KIAA1217: variants seen among roughly 807,000 people sequenced by gnomAD.
KIAA1217 encodes KIAA1217, also known as sickle tail protein homolog.
In KIAA1217, 88 loss-of-function variants were observed where a neutral mutation model predicts 163.9. The ratio of observed to expected loss-of-function variants is 0.54; its 90% CI spans 0.45 to 0.64. The LOEUF (loss-of-function observed/expected upper bound fraction) is 0.64, where lower values mean the gene tolerates loss of function less well. KIAA1217 is among the 30% of genes least tolerant of loss of function. The pLI is 0.00. For missense variants in KIAA1217, 2,372 were observed against 2,475.0 expected (o/e 0.96, Z 0.88); for synonymous variants, 903 against 923.1 (o/e 0.98, Z 0.39).
At chr10:23,966,129 G>A (rs1845056822) in intron 1 of KIAA1217, among the ~76,000 whole-genome samples, 1 of 152,184 alleles carries the variant, frequency 6.6e-6, no homozygotes, top group South Asian at 2.1e-4. Flanking sequence ...GAAGGGCCCT[G>A]TGCCTGGTTT....
At position 23,789,940 on chromosome 10, in the gene KIAA1217, T is replaced by C. The variant is rs1367261810; in HGVS notation, c.-321+94706T>C. Among the ~76,000 whole-genome samples, 7 of 108,856 alleles carry C rather than the reference T, an allele frequency of 6.4e-5. 1 individual carries two copies. The South Asian group carries it at 9.8e-4, about 15-fold the overall frequency. The allele number at this position is 108,856 out of a possible 152,430, so 71.4% of individuals were successfully genotyped here. On this transcript the variant is annotated intron_variant, in intron 1 of 18. Coordinates refer to the KIAA1217 transcript ENST00000376462. ...GCATATACATGTATATATACACATA[T>C]ACATATACATGTATATATACACATA... is the stretch of plus-strand genomic sequence containing the variant.
intron 1 of KIAA1217, among the ~76,000 whole-genome samples, chr10:23,748,585 G>C (rs574847952): frequency 3.1e-4 from 43 of 139,466 alleles, no homozygotes; most frequent in African/African-American, 9.0e-4. Flanking sequence ...GAAGGAAGGG[G>C]GGAGGGAAGA....
At chr10:23,724,708 T>A (rs1838041514) in intron 1 of KIAA1217, among the ~76,000 whole-genome samples, 1 of 152,188 alleles carries the variant, frequency 6.6e-6, no homozygotes, top group Admixed American at 6.5e-5. Flanking sequence ...TCCCAGAAAG[T>A]CCACTACAAT....
intron 2 of KIAA1217, among the ~76,000 whole-genome samples, chr10:24,119,879 C>T (rs766906824): frequency 6.6e-6 from 1 of 152,304 alleles, no homozygotes; most frequent in Non-Finnish European, 1.5e-5. Context: ...TCCTACACAT[C>T]CCAGGTCCCC....
chr10:24,501,576 G>T, intron 9 of KIAA1217, 31 bp downstream of exon 9: 2 of 1,597,988 alleles, frequency 1.3e-6, no homozygotes, highest in South Asian at 1.1e-5. Flanking sequence ...CCTCTGTCTC[G>T]GTTGCCCTGA....
chr10:23,985,360 AGACTCTTGTAATACTTT>A (rs146890876), intron 1 of KIAA1217, among the ~76,000 whole-genome samples: 4,313 of 152,254 alleles, frequency 0.028, 167 homozygotes, highest in East Asian at 0.13. Context: ...GGAGTTCATC[AGACTCTTGTAATACTTT>A]GCCAGAGGAA....
chr10:24,322,243 C>T (rs911743872), intron 2 of KIAA1217, among the ~76,000 whole-genome samples: 1 of 152,128 alleles, frequency 6.6e-6, no homozygotes, highest in African/African-American at 2.4e-5. Flanking sequence ...TGTGAGCCAC[C>T]ATGTCTGGCC....
At chr10:24,125,430 C>T (rs572220115) in intron 2 of KIAA1217, among the ~76,000 whole-genome samples, 9 of 151,316 alleles carry the variant, frequency 5.9e-5, no homozygotes, top group South Asian at 2.1e-4. Context: ...TATTGCTTCT[C>T]ATGTAATTGT....
chr10:23,883,591 G>T (rs531834927), intron 1 of KIAA1217, among the ~76,000 whole-genome samples: 3 of 151,832 alleles, frequency 2.0e-5, no homozygotes, highest in Admixed American at 2.0e-4. Context: ...CCACCAAATC[G>T]ATACCTTGAT....
chr10:24,072,716 T>C (rs1047944173), intron 2 of KIAA1217, among the ~76,000 whole-genome samples: 2 of 152,056 alleles, frequency 1.3e-5, no homozygotes, highest in African/African-American at 2.4e-5. Context: ...AGCAAACCTT[T>C]GAAGAATGTT....
intron 1 of KIAA1217, among the ~76,000 whole-genome samples, chr10:23,987,793 T>A (rs1463696126): frequency 1.3e-5 from 2 of 152,170 alleles, no homozygotes; most frequent in African/African-American, 4.8e-5. Flanking sequence ...TCTTCCCAGC[T>A]CCTCTCATCT....
chr10:24,475,652 C>T (rs1406596517), intron 6 of KIAA1217, among the ~76,000 whole-genome samples: 2 of 152,158 alleles, frequency 1.3e-5, no homozygotes, highest in Non-Finnish European at 2.9e-5. Context: ...CTCTCCTTTC[C>T]AAAGTCCTCA....
intron 2 of KIAA1217, among the ~76,000 whole-genome samples, chr10:24,193,801 TACACACACACACACACACACACAC>T (rs10562687): frequency 7.0e-6 from 1 of 142,298 alleles, no homozygotes; most frequent in Admixed American, 7.1e-5. Context: ...CAGCGTTTTC[TACACACACACACACACACACACAC>T]ACACACACAC....
chr10:24,383,263 C>T (rs1288548046), intron 3 of KIAA1217, among the ~76,000 whole-genome samples: 1 of 152,218 alleles, frequency 6.6e-6, no homozygotes, highest in South Asian at 2.1e-4. Context: ...CTCAGCTCTG[C>T]AAACCAAAAC....
intron 1 of KIAA1217, among the ~76,000 whole-genome samples, chr10:23,978,890 C>T (rs928491248): frequency 1.6e-4 from 24 of 152,126 alleles, no homozygotes; most frequent in African/African-American, 5.8e-4. Flanking sequence ...TTCTACCTGC[C>T]ATGTTCTCTC....
intron 1 of KIAA1217, among the ~76,000 whole-genome samples, chr10:23,727,749 A>G (rs1838252228): frequency 6.6e-6 from 1 of 152,106 alleles, no homozygotes; most frequent in South Asian, 2.1e-4. Flanking sequence ...TGCACTCATC[A>G]ACCTATCATC....
intron 3 of KIAA1217, among the ~76,000 whole-genome samples, chr10:24,430,962 T>C (rs1353663298): frequency 6.6e-6 from 1 of 152,240 alleles, no homozygotes; most frequent in Non-Finnish European, 1.5e-5. Context: ...CAGTCAGGCA[T>C]CATGCATTCA....
At chr10:23,941,845 C>T (rs1041420316) in intron 1 of KIAA1217, among the ~76,000 whole-genome samples, 2 of 152,076 alleles carry the variant, frequency 1.3e-5, no homozygotes, top group Non-Finnish European at 2.9e-5. Flanking sequence ...AAAAGCCAAA[C>T]CTTAGGAATC....
At chr10:23,832,926 G>C (rs184905877) in intron 1 of KIAA1217, among the ~76,000 whole-genome samples, 2 of 151,920 alleles carry the variant, frequency 1.3e-5, no homozygotes, top group African/African-American at 4.8e-5. Flanking sequence ...TTTGAAAAAC[G>C]TCCGATCTCA....
Sources: gnomAD v4.1 joint callset for allele counts (sites outside exome capture counted in the v4.1 genomes callset) on GRCh38, gnomAD v4.1.1 for gene constraint, MANE v1.5 for transcripts, NCBI Gene and HGNC (gene_info 2026-07-23, HGNC 2026-07-21) for gene names.